SLC35F1: variants seen among roughly 807,000 people sequenced by gnomAD.
The protein encoded by SLC35F1 is chromosome 6 open reading frame 169.
A neutral mutation model predicts 48.7 loss-of-function variants in SLC35F1; 14 were observed. The observed-to-expected ratio is 0.29, with a 90% CI of 0.19 to 0.45. The LOEUF is 0.45. SLC35F1 is among the 20% of genes least tolerant of loss of function. The probability of loss-of-function intolerance (pLI) is 1.00; values close to 1 mark genes in which losing one functional copy is unlikely to be tolerated. For synonymous variants in SLC35F1, 190 were observed against 202.2 expected (o/e 0.94, Z 0.51); for missense variants, 404 against 500.0 (o/e 0.81, Z 1.83).
intron 7 of SLC35F1, among the ~76,000 whole-genome samples, chr6:118,292,589 A>G (rs983395458): frequency 6.6e-5 from 10 of 152,106 alleles, no homozygotes; most frequent in African/African-American, 2.2e-4. Context: ...AAATATCTGC[A>G]TGTTGGAGAG....
intron 1 of SLC35F1, among the ~76,000 whole-genome samples, chr6:118,110,111 C>T (rs1351510754): frequency 6.6e-6 from 1 of 152,126 alleles, no homozygotes; most frequent in Admixed American, 6.5e-5. Flanking sequence ...CCATCTATGC[C>T]ATGGATCTCT....
At chr6:118,260,588 A>G (rs1231701928) in intron 3 of SLC35F1, among the ~76,000 whole-genome samples, 1 of 152,168 alleles carries the variant, frequency 6.6e-6, no homozygotes, top group Non-Finnish European at 1.5e-5. Flanking sequence ...ACAACAAAAA[A>G]TTATTAAATA....
At chr6:118,198,700 G>A (rs1321460516) in intron 2 of SLC35F1, among the ~76,000 whole-genome samples, 3 of 152,064 alleles carry the variant, frequency 2.0e-5, no homozygotes, top group Admixed American at 2.0e-4. Context: ...ATACCCATAT[G>A]TCACATTAAT....
chr6:118,085,112 A>G (rs1772967762), intron 1 of SLC35F1, among the ~76,000 whole-genome samples: 1 of 152,028 alleles, frequency 6.6e-6, no homozygotes, highest in South Asian at 2.1e-4. Flanking sequence ...CTGCCATCAC[A>G]TTGTGTCACC....
chr6:118,014,842 G>A (rs568121089), intron 1 of SLC35F1, among the ~76,000 whole-genome samples: 1 of 152,320 alleles, frequency 6.6e-6, no homozygotes, highest in Admixed American at 6.5e-5. Context: ...TTAGGCAATA[G>A]CCATCCTCTG....
intron 1 of SLC35F1, among the ~76,000 whole-genome samples, chr6:118,128,431 A>T (rs1300526157): frequency 1.3e-5 from 2 of 150,802 alleles, no homozygotes; most frequent in African/African-American, 4.8e-5. Flanking sequence ...ACAATGATAG[A>T]CTGGATTAAG....
rs886780587 is a variant in SLC35F1 at position 118,154,630 on chromosome 6, C to T, written c.349+10C>T. The T allele has an allele frequency of 6.3e-7, 1 of 1,595,818 alleles. No homozygotes were observed. The stretch of plus-strand genomic sequence containing the variant: ...CTAGCCGTCAGACAAGGTAAGCTCA[C>T]AAAAGCACCAGGAATATAACTTTTA... On this transcript the variant is annotated intron_variant, in intron 2 of 7. Transcript: ENST00000360388.
chr6:118,076,967 G>C (rs1462189235), intron 1 of SLC35F1, among the ~76,000 whole-genome samples: 1 of 151,970 alleles, frequency 6.6e-6, no homozygotes, highest in Non-Finnish European at 1.5e-5. Context: ...AGTTTTACTT[G>C]AGGATGACTT....
intron 1 of SLC35F1, among the ~76,000 whole-genome samples, chr6:118,073,764 A>C (rs933537090): frequency 6.6e-6 from 1 of 152,204 alleles, no homozygotes; most frequent in Non-Finnish European, 1.5e-5. Flanking sequence ...ACATATTTTT[A>C]TGTGTAACCT....
At chr6:117,999,310 T>G (rs1777050651) in intron 1 of SLC35F1, 1 of 1,595,930 alleles carries the variant, frequency 6.3e-7, no homozygotes, top group Admixed American at 1.7e-5. Context: ...TTGCCCGTAT[T>G]GCCAAGGGGC....
chr6:118,059,098 A>C (rs9374707), intron 1 of SLC35F1, among the ~76,000 whole-genome samples: 46,376 of 152,132 alleles, frequency 0.3, 7,579 homozygotes, highest in East Asian at 0.48. Context: ...AATGCATTCC[A>C]CACATTTGAG....
At chr6:118,271,589 C>G (rs1197585144) in intron 4 of SLC35F1, among the ~76,000 whole-genome samples, 1 of 152,164 alleles carries the variant, frequency 6.6e-6, no homozygotes, top group Non-Finnish European at 1.5e-5. Context: ...AATAATATAA[C>G]TCACCATTTA....
intron 2 of SLC35F1, among the ~76,000 whole-genome samples, chr6:118,169,994 T>TTTGAGCATACTATGC (rs1774377575): frequency 6.6e-6 from 1 of 152,236 alleles, no homozygotes; most frequent in Non-Finnish European, 1.5e-5. Context: ...ATGCTAATTT[T>TTTGAGCATACTATGC]TGTTCTTTGA....
chr6:117,944,889 A>C (rs560282669), intron 1 of SLC35F1, among the ~76,000 whole-genome samples: 1 of 152,012 alleles, frequency 6.6e-6, no homozygotes, highest in African/African-American at 2.4e-5. Context: ...GTGTTCCCAA[A>C]TGGTCTGGAT....
chr6:118,275,405 G>T lies in SLC35F1; in HGVS notation c.638-54G>T, dbSNP rs1016188229. The T allele has an allele frequency of 3.2e-6, 5 of 1,550,452 alleles. No homozygotes were observed. The Admixed American group carries it at 1.0e-4, about 31-fold the overall frequency. On this transcript the variant is annotated intron_variant, in intron 4 of 7. Transcript: ENST00000360388. ...CTCAATTTGCCGATGCCAGATTCTT[G>T]TTAAGAAAGTTTTAATGATGCTCCC...
chr6:118,180,635 T>A (rs1308031492), intron 2 of SLC35F1, among the ~76,000 whole-genome samples: 1 of 152,098 alleles, frequency 6.6e-6, no homozygotes, highest in Non-Finnish European at 1.5e-5. Flanking sequence ...AACTGAAAGT[T>A]AGTTCTTCAG....
chr6:118,287,210 C>T (rs1776062097), intron 7 of SLC35F1, among the ~76,000 whole-genome samples: 1 of 152,168 alleles, frequency 6.6e-6, no homozygotes, highest in African/African-American at 2.4e-5. Context: ...TCCCCCTCCT[C>T]ACACACCCAG....
At chr6:118,050,897 G>A (rs561970219) in intron 1 of SLC35F1, among the ~76,000 whole-genome samples, 32 of 152,216 alleles carry the variant, frequency 2.1e-4, no homozygotes, top group African/African-American at 7.5e-4. Context: ...AGGAGTAGGG[G>A]GCTCCTGGTA....
At chr6:117,975,687 T>C (rs1177957303) in intron 1 of SLC35F1, among the ~76,000 whole-genome samples, 1 of 152,224 alleles carries the variant, frequency 6.6e-6, no homozygotes, top group East Asian at 1.9e-4. Context: ...AAAGGGAACT[T>C]ATTCTGTTCT....
Sources: gnomAD v4.1 joint callset for allele counts (sites outside exome capture counted in the v4.1 genomes callset) on GRCh38, gnomAD v4.1.1 for gene constraint, MANE v1.5 for transcripts, NCBI Gene and HGNC (gene_info 2026-07-23, HGNC 2026-07-21) for gene names.